Variants in DOCK3 observed in about 807,000 individuals in gnomAD.
DOCK3 encodes the protein dedicator of cytokinesis protein 3.
A neutral mutation model predicts 265.6 loss-of-function variants in DOCK3; 60 were observed. The observed-to-expected ratio is 0.23, with a 90% confidence interval of 0.18 to 0.28. The LOEUF is 0.28. DOCK3 is among the 10% of genes least tolerant of loss of function. The pLI is 1.00. For missense variants in DOCK3, 1,981 were observed against 2,594.3 expected (o/e 0.76, Z 5.14); for synonymous variants, 881 against 938.0 (o/e 0.94, Z 1.11).
intron 1 of DOCK3, among the ~76,000 whole-genome samples, chr3:50,776,695 T>G (rs2041620985): frequency 6.6e-6 from 1 of 152,178 alleles, no homozygotes; most frequent in Non-Finnish European, 1.5e-5. Flanking sequence ...TGCAGAATTT[T>G]TATGGTTTCA....
chr3:50,693,343 GTCTT>G (rs1293869047), intron 1 of DOCK3, among the ~76,000 whole-genome samples: 1 of 152,094 alleles, frequency 6.6e-6, no homozygotes, highest in Non-Finnish European at 1.5e-5. Flanking sequence ...ACAATGTTAA[GTCTT>G]CCAATCAGTT....
At chr3:50,790,299 A>G (rs1374675688) in intron 2 of DOCK3, among the ~76,000 whole-genome samples, 1 of 152,116 alleles carries the variant, frequency 6.6e-6, no homozygotes, top group African/African-American at 2.4e-5. Flanking sequence ...TAGGCCATAC[A>G]TTCAGTGTTA....
At chr3:50,900,783 C>T in intron 4 of DOCK3, 1 of 430,446 alleles carries the variant, frequency 2.3e-6, no homozygotes, top group Non-Finnish European at 4.6e-6. Context: ...TCAGACCCTG[C>T]CCCTGTTTGC....
At chr3:50,926,283 T>G (rs2050754540) in intron 4 of DOCK3, among the ~76,000 whole-genome samples, 1 of 152,166 alleles carries the variant, frequency 6.6e-6, no homozygotes. Context: ...TTGTTAACTC[T>G]TAGTTAAAGG....
At chr3:51,050,486 A>G (rs6445603) in intron 5 of DOCK3, among the ~76,000 whole-genome samples, 125,299 of 152,136 alleles carry the variant, frequency 0.82, 52,251 homozygotes, top group East Asian at 0.95. Context: ...AACAGAATCA[A>G]TAAGATATAT....
At chr3:50,967,523 C>A (rs553209845) in intron 5 of DOCK3, among the ~76,000 whole-genome samples, 8 of 152,216 alleles carry the variant, frequency 5.3e-5, no homozygotes, top group African/African-American at 1.9e-4. Context: ...CCATATTAGT[C>A]CCTTTTCACA....
At chr3:50,840,634 T>C (rs2045777587) in intron 2 of DOCK3, among the ~76,000 whole-genome samples, 2 of 152,242 alleles carry the variant, frequency 1.3e-5, no homozygotes, top group Non-Finnish European at 2.9e-5. Flanking sequence ...ATTGCTTTTA[T>C]GGAGGAGAGG....
intron 2 of DOCK3, among the ~76,000 whole-genome samples, chr3:50,814,670 G>A (rs1252662985): frequency 6.6e-6 from 1 of 152,044 alleles, no homozygotes; most frequent in Non-Finnish European, 1.5e-5. Flanking sequence ...TTTTGAAGAG[G>A]CATTAAAACC....
At chr3:51,307,706 C>A (rs1576738507) in intron 27 of DOCK3, among the ~76,000 whole-genome samples, 1 of 151,912 alleles carries the variant, frequency 6.6e-6, no homozygotes, top group African/African-American at 2.4e-5. Context: ...TGTGCACAGC[C>A]CTGCACTCAT....
chr3:50,978,802 G>A (rs967095559), intron 5 of DOCK3, among the ~76,000 whole-genome samples: 3 of 152,194 alleles, frequency 2.0e-5, no homozygotes, highest in Non-Finnish European at 4.4e-5. Flanking sequence ...GTGAGTCTCC[G>A]TGGGCGTAGG....
At chr3:51,140,422 T>A (rs1314257989) in intron 9 of DOCK3, among the ~76,000 whole-genome samples, 1 of 152,214 alleles carries the variant, frequency 6.6e-6, no homozygotes, top group Non-Finnish European at 1.5e-5. Flanking sequence ...CATTTTAGTA[T>A]GTGTCAGTAC....
At chr3:50,791,597 G>T (rs2042482090) in intron 2 of DOCK3, among the ~76,000 whole-genome samples, 1 of 152,046 alleles carries the variant, frequency 6.6e-6, no homozygotes, top group African/African-American at 2.4e-5. Context: ...GTCTTGAGTT[G>T]ATTTTTGTGC....
chr3:51,194,308 G>A (rs1455270192), intron 12 of DOCK3, among the ~76,000 whole-genome samples: 1 of 152,088 alleles, frequency 6.6e-6, no homozygotes, highest in Non-Finnish European at 1.5e-5. Context: ...GTTGAGGCTT[G>A]TTTTGTGGCC....
intron 2 of DOCK3, among the ~76,000 whole-genome samples, chr3:50,783,869 ATT>A (rs71631077): frequency 8.9e-5 from 12 of 134,372 alleles, no homozygotes; most frequent in Admixed American, 2.2e-4. Context: ...TCTTGAGTTG[ATT>A]TTTTTTTTTT....
intron 1 of DOCK3, among the ~76,000 whole-genome samples, chr3:50,678,744 C>T (rs1355938380): frequency 6.6e-6 from 1 of 151,996 alleles, no homozygotes; most frequent in East Asian, 1.9e-4. Context: ...TGGGCTCAAG[C>T]GATCCCCCTG....
chr3:51,126,214 T>C (rs2084258385), intron 9 of DOCK3, among the ~76,000 whole-genome samples: 1 of 152,234 alleles, frequency 6.6e-6, no homozygotes. Context: ...TATTTCAGCA[T>C]GCCATTCAAA....
At chr3:50,686,945 C>T (rs1576091568) in intron 1 of DOCK3, among the ~76,000 whole-genome samples, 2 of 147,656 alleles carry the variant, frequency 1.4e-5, no homozygotes, top group African/African-American at 5.0e-5. Context: ...CACAGTGGCT[C>T]ACTCCTGTAA....
intron 32 of DOCK3, among the ~76,000 whole-genome samples, chr3:51,322,018 A>T (rs568218153): frequency 3.0e-4 from 45 of 152,044 alleles, no homozygotes; most frequent in Non-Finnish European, 5.6e-4. Flanking sequence ...ACCCCAAGAC[A>T]TATAATCGTC....
chr3:51,338,104 T>C (rs1025988381), intron 35 of DOCK3, among the ~76,000 whole-genome samples: 29 of 152,218 alleles, frequency 1.9e-4, no homozygotes, highest in Admixed American at 6.5e-5. Context: ...CTTAATACCC[T>C]GATGTAGCTC....
Sources: allele counts gnomAD v4.1 joint callset (sites outside exome capture counted in the v4.1 genomes callset), GRCh38; gene constraint gnomAD v4.1.1; transcripts MANE v1.5; gene names NCBI Gene and HGNC (gene_info 2026-07-23, HGNC 2026-07-21).